Variants in SLC10A7 observed in about 807,000 individuals in gnomAD.
SLC10A7 encodes the protein sodium/bile acid cotransporter 7.
Under a neutral mutation model 43.2 loss-of-function variants are expected in SLC10A7, and 29 were observed. That is an observed-to-expected ratio of 0.67 (90% CI 0.50 to 0.92). The LOEUF is 0.92. Among genes scored for constraint, SLC10A7 ranks in the 40% least tolerant of loss-of-function variants. The pLI is 0.00. For synonymous variants in SLC10A7, 152 were observed against 144.8 expected, an observed-to-expected ratio of 1.05 and a Z score of -0.35; for missense variants, 295 against 403.2, an observed-to-expected ratio of 0.73 and a Z score of 2.30.
At chr4:146,499,400 C>T (rs558136998) in intron 4 of SLC10A7, among the ~76,000 whole-genome samples, 36 of 152,300 alleles carry the variant, frequency 2.4e-4, no homozygotes, top group Non-Finnish European at 5.0e-4. Context: ...CTTTTCATTA[C>T]ACACACCAAC....
At chr4:146,456,507 A>G (rs1423674111) in intron 4 of SLC10A7, among the ~76,000 whole-genome samples, 1 of 151,952 alleles carries the variant, frequency 6.6e-6, no homozygotes, top group East Asian at 1.9e-4. Context: ...CTATAAATTC[A>G]GGGGTTCCAA....
chr4:146,282,941 T>C (rs1729644778), intron 10 of SLC10A7, among the ~76,000 whole-genome samples: 1 of 152,166 alleles, frequency 6.6e-6, no homozygotes. Flanking sequence ...TTGGTAATCT[T>C]GTATGAGAAT....
intron 10 of SLC10A7, among the ~76,000 whole-genome samples, chr4:146,277,676 G>C (rs186947737): frequency 3.9e-5 from 6 of 152,222 alleles, no homozygotes; most frequent in Non-Finnish European, 4.4e-5. Flanking sequence ...ACACTCCAAA[G>C]ATAGTCTTCT....
At chr4:146,363,963 C>G (rs1031325404) in intron 5 of SLC10A7, among the ~76,000 whole-genome samples, 2 of 151,372 alleles carry the variant, frequency 1.3e-5, no homozygotes, top group Non-Finnish European at 3.0e-5. Context: ...CAAGAGCACA[C>G]CAAACACAAA....
rs1254063796 is a variant in SLC10A7, at chr4:146,305,954, G to A, written c.527C>T (p.Thr176Ile). The A allele has an allele frequency of 6.2e-7, 1 of 1,610,402 alleles. No homozygotes were observed. The highest frequency in any genetic ancestry group is 1.1e-5 in the South Asian group (1 of 90,406). Residue 176 changes from threonine to isoleucine, a missense_variant, in exon 7 of 12, where the codon ACT becomes ATT. Physicochemically the swap from Thr to Ile is moderately conservative, Grantham distance 89. Coordinates refer to ENST00000335472, the MANE Select transcript of SLC10A7 (RefSeq NM_001029998.6). ...TCCAATGATGAGAGGAACCACAACAGTCATAAAAAGCTGAGAAAAAATAGA... is the reference window on the plus strand; with the variant it reads ...TCCAATGATGAGAGGAACCACAACAATCATAAAAAGCTGAGAAAAAATAGA... ...FTSIFSQLFM[T>I]VVVPLIIGQI...
Position 146,440,919 on chromosome 4 carries a change from C to G in SLC10A7, c.435+1864G>C, listed in dbSNP as rs140133573. Reference sequence around the variant, plus strand: ...CTCAAGGCCCAGCTCAGAGCAATCACTTCTGTCAGACCTTTGAATTTAGAG... The same window carrying G: ...CTCAAGGCCCAGCTCAGAGCAATCAGTTCTGTCAGACCTTTGAATTTAGAG... On this transcript the variant is annotated intron_variant, in intron 5 of 11. Coordinates refer to ENST00000335472, the MANE Select transcript of SLC10A7 (RefSeq NM_001029998.6). Among the ~76,000 whole-genome samples the G allele has an allele frequency of 2.4e-4, 37 of 152,320 alleles. 1 individual carries two copies. The East Asian group carries it at 6.6e-3, about 27-fold the overall frequency.
At chr4:146,332,402 C>T (rs1185893358) in intron 5 of SLC10A7, among the ~76,000 whole-genome samples, 1 of 152,182 alleles carries the variant, frequency 6.6e-6, no homozygotes, top group Non-Finnish European at 1.5e-5. Context: ...GTGGTGGAGC[C>T]TAGTGGGAGG....
intron 6 of SLC10A7, among the ~76,000 whole-genome samples, chr4:146,311,537 A>C (rs138403711): frequency 1.1e-3 from 174 of 152,324 alleles, no homozygotes; most frequent in African/African-American, 4.1e-3. Context: ...ATTGTATTAA[A>C]TAATTCACCC....
At chr4:146,443,678 C>T (rs1730789689) in intron 4 of SLC10A7, among the ~76,000 whole-genome samples, 2 of 152,170 alleles carry the variant, frequency 1.3e-5, no homozygotes. Flanking sequence ...ACATTAGCAG[C>T]CACACTGTAG....
At chr4:146,344,021 A>T (rs1203125671) in intron 5 of SLC10A7, among the ~76,000 whole-genome samples, 1 of 152,056 alleles carries the variant, frequency 6.6e-6, no homozygotes, top group East Asian at 1.9e-4. Context: ...TGTGTGCTAC[A>T]TAAGAAAATA....
intron 7 of SLC10A7, among the ~76,000 whole-genome samples, chr4:146,304,707 T>C (rs906555234): frequency 6.6e-6 from 1 of 152,128 alleles, no homozygotes; most frequent in Non-Finnish European, 1.5e-5. Flanking sequence ...GGTGTGGTGC[T>C]GAAAAAAATG....
chr4:146,498,234 T>C lies in SLC10A7; in HGVS notation c.396+5615A>G, dbSNP rs531610356. Among the ~76,000 whole-genome samples the C allele has an allele frequency of 2.7e-3, 413 of 151,498 alleles. 4 individuals are homozygous for C. The highest frequency in any genetic ancestry group is 9.8e-3 in the African/African-American group (404 of 41,346). On this transcript the variant is annotated intron_variant, in intron 4 of 11. Coordinates refer to ENST00000335472, the MANE Select transcript of SLC10A7 (RefSeq NM_001029998.6). ...CCGGGTTCAAGCAATTCTTCTGCCT[T>C]AGCCTCCCGAGTAGCTGGGATTACA... is the stretch of plus-strand genomic sequence containing the variant.
At chr4:146,336,302 T>C (rs895181872) in intron 5 of SLC10A7, among the ~76,000 whole-genome samples, 32 of 152,264 alleles carry the variant, frequency 2.1e-4, no homozygotes, top group African/African-American at 7.0e-4. Context: ...CAAACAGAAA[T>C]AAGTGTAACA....
At chr4:146,437,976 T>C (rs1203254598) in intron 5 of SLC10A7, among the ~76,000 whole-genome samples, 1 of 151,838 alleles carries the variant, frequency 6.6e-6, no homozygotes, top group African/African-American at 2.4e-5. Context: ...AGATCAGGAG[T>C]CACCAAAAAC....
intron 5 of SLC10A7, among the ~76,000 whole-genome samples, chr4:146,410,417 G>A (rs1728104062): frequency 6.6e-6 from 1 of 152,110 alleles, no homozygotes; most frequent in Non-Finnish European, 1.5e-5. Context: ...ATATAGCACA[G>A]GCAGGATTTT....
At chr4:146,260,504 C>T (rs1298609229) in intron 10 of SLC10A7, among the ~76,000 whole-genome samples, 1 of 152,180 alleles carries the variant, frequency 6.6e-6, no homozygotes, top group Non-Finnish European at 1.5e-5. Context: ...CCTATGTTGT[C>T]CATTCTTAGC....
chr4:146,326,460 T>G (rs1385846), intron 5 of SLC10A7, among the ~76,000 whole-genome samples: 3,320 of 152,276 alleles, frequency 0.022, 115 homozygotes, highest in African/African-American at 0.075. Flanking sequence ...TGTGAACTGG[T>G]CTCCCCTAGG....
chr4:146,473,314 A>G (rs1733743684), intron 4 of SLC10A7, among the ~76,000 whole-genome samples: 1 of 152,206 alleles, frequency 6.6e-6, no homozygotes, highest in South Asian at 2.1e-4. Context: ...ACCCACTGAC[A>G]TGCTTTTTAC....
chr4:146,472,552 G>T (rs1016060054), intron 4 of SLC10A7, among the ~76,000 whole-genome samples: 10 of 151,582 alleles, frequency 6.6e-5, no homozygotes, highest in Non-Finnish European at 1.3e-4. Context: ...GGGATAGGAA[G>T]AGGGCAGCGG....
Sources: allele counts gnomAD v4.1 joint callset (sites outside exome capture counted in the v4.1 genomes callset), GRCh38; gene constraint gnomAD v4.1.1; transcripts MANE v1.5; gene names NCBI Gene and HGNC (gene_info 2026-07-23, HGNC 2026-07-21).